Variants in COPG2 observed in about 807,000 individuals in gnomAD.
COPG2 encodes the protein coatomer subunit gamma-2.
In COPG2, 37 loss-of-function variants were observed where a neutral mutation model predicts 46.3. The ratio of observed to expected loss-of-function variants is 0.80; its 90% CI spans 0.61 to 1.05. The LOEUF is 1.05. Among genes scored for constraint, COPG2 ranks in the 50% least tolerant of loss-of-function variants. The pLI is 0.00. For missense variants in COPG2, 427 were observed against 387.8 expected (o/e 1.10, Z -0.85); for synonymous variants, 159 against 129.7 (o/e 1.23, Z -1.53).
chr7:130,605,503 G>T (rs1794710718), intron 9 of COPG2, among the ~76,000 whole-genome samples: 1 of 152,216 alleles, frequency 6.6e-6, no homozygotes, highest in African/African-American at 2.4e-5. Flanking sequence ...AAATCAGAGA[G>T]ATTCAAAGTG....
intron 20 of COPG2, 153 bp from the exon 21 acceptor site, chr7:130,508,812 G>A: frequency 3.2e-6 from 2 of 617,280 alleles, no homozygotes; most frequent in South Asian, 3.9e-5. Context: ...CAGCCTACAA[G>A]CGGGTCAGGA....
chr7:130,627,430 C>T (rs1484609940), intron 5 of COPG2, among the ~76,000 whole-genome samples: 9 of 152,168 alleles, frequency 5.9e-5, no homozygotes, highest in African/African-American at 2.2e-4. Context: ...GTTATCAGTA[C>T]TGCACAAAGC....
chr7:130,523,128 A>AAAAAAAAATC (rs1415047550), intron 20 of COPG2, among the ~76,000 whole-genome samples: 1 of 149,200 alleles, frequency 6.7e-6, no homozygotes, highest in Non-Finnish European at 1.5e-5. Context: ...TCAAAAAAAA[A>AAAAAAAAATC]AAAAAAGAAG....
intron 5 of COPG2, among the ~76,000 whole-genome samples, chr7:130,627,864 A>C (rs2116536368): frequency 6.6e-6 from 1 of 152,286 alleles, no homozygotes; most frequent in East Asian, 1.9e-4. Context: ...TTTTACTCAA[A>C]GTGGTTTCAT....
intron 9 of COPG2, among the ~76,000 whole-genome samples, chr7:130,603,565 C>T (rs1037320510): frequency 3.0e-4 from 45 of 151,642 alleles, no homozygotes; most frequent in African/African-American, 1.1e-3. Flanking sequence ...ACTAAAAATA[C>T]AAAAAATTAG....
chr7:130,533,060 G>A (rs1351753960), intron 20 of COPG2, among the ~76,000 whole-genome samples: 1 of 152,068 alleles, frequency 6.6e-6, no homozygotes, highest in Admixed American at 6.5e-5. Flanking sequence ...TGGAAAAGCA[G>A]GACAGAGGAG....
chr7:130,564,014 T>C (rs1156955427), intron 10 of COPG2, among the ~76,000 whole-genome samples: 1 of 151,936 alleles, frequency 6.6e-6, no homozygotes, highest in Non-Finnish European at 1.5e-5. Flanking sequence ...CTATTATTAA[T>C]AAACTATGTA....
At chr7:130,555,867 C>G (rs1421930938) in intron 12 of COPG2, among the ~76,000 whole-genome samples, 1 of 151,940 alleles carries the variant, frequency 6.6e-6, no homozygotes, top group Non-Finnish European at 1.5e-5. Flanking sequence ...AAAATAAAGA[C>G]CAGTGTCAAG....
At chr7:130,537,462 G>A (rs1799891133) in intron 20 of COPG2, among the ~76,000 whole-genome samples, 1 of 150,364 alleles carries the variant, frequency 6.7e-6, no homozygotes, top group Admixed American at 6.6e-5. Context: ...GTGGTGCTGA[G>A]AGAACGCAGC....
chr7:130,604,158 G>A (rs1454086254), intron 9 of COPG2, among the ~76,000 whole-genome samples: 1 of 152,062 alleles, frequency 6.6e-6, no homozygotes, highest in Non-Finnish European at 1.5e-5. Flanking sequence ...ATGTGTAAGT[G>A]GACCCATGCA....
intron 9 of COPG2, among the ~76,000 whole-genome samples, chr7:130,594,481 G>A (rs1794488030): frequency 6.6e-6 from 1 of 152,106 alleles, no homozygotes; most frequent in African/African-American, 2.4e-5. Flanking sequence ...AATACCAAAA[G>A]CACAAGCAAA....
At chr7:130,614,450 C>T (rs782252433) in intron 6 of COPG2, among the ~76,000 whole-genome samples, 1 of 152,148 alleles carries the variant, frequency 6.6e-6, no homozygotes, top group African/African-American at 2.4e-5. Flanking sequence ...CAAACATACA[C>T]CTAAAATATA....
At chr7:130,533,522 G>A (rs1799849295) in intron 20 of COPG2, among the ~76,000 whole-genome samples, 1 of 152,078 alleles carries the variant, frequency 6.6e-6, no homozygotes, top group Non-Finnish European at 1.5e-5. Context: ...CAATGTATCA[G>A]TGAGGGAGAA....
chr7:130,564,074 TA>T (rs1361275932), intron 10 of COPG2, among the ~76,000 whole-genome samples, 185 bp downstream of exon 10: 2 of 151,984 alleles, frequency 1.3e-5, no homozygotes, highest in South Asian at 2.1e-4. Flanking sequence ...ATAGAAACAT[TA>T]AAAAAAGTAA....
chr7:130,549,218 A>G (rs1187767315), intron 18 of COPG2, 96 bp downstream of exon 18: 2 of 397,640 alleles, frequency 5.0e-6, no homozygotes, highest in Non-Finnish European at 8.9e-6. Context: ...GATTTCCTAT[A>G]TTGAGAACCG....
chr7:130,529,283 G>A (rs1799802292), intron 20 of COPG2, among the ~76,000 whole-genome samples: 1 of 152,156 alleles, frequency 6.6e-6, no homozygotes, highest in African/African-American at 2.4e-5. Context: ...GGCAGAGGAG[G>A]GAGTGGATGC....
chr7:130,614,544 C>T (rs896831490), intron 6 of COPG2, among the ~76,000 whole-genome samples: 1 of 152,134 alleles, frequency 6.6e-6, no homozygotes, highest in South Asian at 2.1e-4. Flanking sequence ...CAGAAAGAGA[C>T]AGCCTAACAT....
intron 6 of COPG2, among the ~76,000 whole-genome samples, chr7:130,616,684 AG>A (rs1794955093): frequency 6.6e-6 from 1 of 152,196 alleles, no homozygotes; most frequent in Non-Finnish European, 1.5e-5. Context: ...TCAAATTCTG[AG>A]ATTTGTGTCC....
intron 9 of COPG2, among the ~76,000 whole-genome samples, chr7:130,593,620 C>G (rs1239540536): frequency 6.6e-6 from 1 of 152,102 alleles, no homozygotes; most frequent in Non-Finnish European, 1.5e-5. Flanking sequence ...GACCAATCCA[C>G]ATAAAGACAC....
Sources: allele counts gnomAD v4.1 joint callset (sites outside exome capture counted in the v4.1 genomes callset), GRCh38; gene constraint gnomAD v4.1.1; transcripts MANE v1.5; gene names NCBI Gene and HGNC (gene_info 2026-07-23, HGNC 2026-07-21).